ASPSCR1: variants seen among roughly 807,000 people sequenced by gnomAD.
ASPSCR1 encodes the protein ASPSCR1 tether for SLC2A4, UBX domain containing.
A neutral mutation model predicts 68.9 loss-of-function variants in ASPSCR1; 55 were observed. The observed-to-expected ratio is 0.80, with a 90% CI of 0.64 to 1.00. The LOEUF (loss-of-function observed/expected upper bound fraction) is 1.00, where lower values mean the gene tolerates loss of function less well. ASPSCR1 is among the 50% of genes least tolerant of loss of function. The pLI is 0.00. For missense variants in ASPSCR1, 765 were observed against 762.2 expected (o/e 1.00, Z -0.04); for synonymous variants, 352 against 332.6 (o/e 1.06, Z -0.63).
rs752796536 is a variant in ASPSCR1 at position 81,996,655 on chromosome 17, G to A, written c.742G>A (p.Gly248Arg). 3 of 1,612,774 alleles carry A rather than the reference G, an allele frequency of 1.9e-6. No individual in the cohort carries two copies. Among genetic ancestry groups the A allele is most frequent in the African/African-American group, 1.3e-5 (1 of 74,826 alleles). The change falls in exon 7 of 16, where the codon GGG (glycine) becomes AGG (arginine). Residue 248 changes from glycine to arginine, a missense_variant. By Grantham distance (125) the Gly-to-Arg change is moderately radical. Transcript: ENST00000306739. ...AAAPFVPFSG[G>R]GQRLGGPPGP... The stretch of plus-strand genomic sequence containing the variant: ...TGCCCCCTTTGTTCCTTTCTCGGGT[G>A]GGGGACAGAGACTGGGGGGCCCTCC...
rs1331872673 is a variant in ASPSCR1, at chr17:82,017,072, AGAG to A, written c.1611_1613del (p.Arg537del). Reference sequence around the variant, plus strand: ...ATCCCAGGGACGGCCCAGCCCGTGAAGAGGAGCCTGGGCAAGGTGCCCAAGTGG... The same window carrying A: ...ATCCCAGGGACGGCCCAGCCCGTGAAGAGCCTGGGCAAGGTGCCCAAGTGG... On this transcript the variant is annotated inframe_deletion, in exon 15 of 16. Coordinates refer to ENST00000306739, the MANE Select transcript of ASPSCR1 (RefSeq NM_024083.4). 3 of 1,608,412 alleles carry A rather than the reference AGAG, an allele frequency of 1.9e-6. No individual in the cohort carries two copies. The highest frequency in any genetic ancestry group is 2.5e-6 in the Non-Finnish European group (3 of 1,178,724).
In ASPSCR1 at chr17:81,987,609, G is replaced by A. The variant is rs148380776; in HGVS notation, c.374+2002G>A. On this transcript the variant is annotated intron_variant, in intron 4 of 15. Transcript: ENST00000306739. The surrounding 1 kb of genome is among the most constrained non-coding windows in gnomAD (Gnocchi z 5.6). ...CACTGGGGAGGGGCCGAGGGTGTCTGGAGAGGTGGGGCCGGCATTGTGGTA... is the reference window on the plus strand; with the variant it reads ...CACTGGGGAGGGGCCGAGGGTGTCTAGAGAGGTGGGGCCGGCATTGTGGTA... Among the ~76,000 whole-genome samples, 7 of 152,288 alleles carry A rather than the reference G, an allele frequency of 4.6e-5. No homozygotes were observed. In the East Asian group the frequency reaches 1.2e-3, roughly 25 times the overall value.
rs749456130 is a variant in ASPSCR1 at position 81,996,385 on chromosome 17, A to T, written c.507-35A>T. 5 of 1,544,352 alleles carry T rather than the reference A, an allele frequency of 3.2e-6. No individual in the cohort carries two copies. In the African/African-American group the frequency reaches 6.9e-5, roughly 21 times the overall value. On this transcript the variant is annotated intron_variant, in intron 6 of 15. Transcript: ENST00000306739. ...AGAGGGTGAGCCGGGGGTAGGCACC[A>T]CAAGGTGCTTCCCTTGTCCTCTGGC...
rs1194534834 is a variant in ASPSCR1, at chr17:82,017,318, G to A, written c.1658G>A (p.Arg553Lys). Residue 553 changes from arginine to lysine, a missense_variant, in exon 16 of 16, where the codon AGG becomes AAG. Physicochemically the swap from Arg to Lys is conservative, Grantham distance 26. Coordinates refer to ENST00000306739, the MANE Select transcript of ASPSCR1 (RefSeq NM_024083.4). ...PKWLKLPASK[R>K] ...TGTGTCTGCACTACAGCCAGCAAGA[G>A]GTGAGAGCTGCCAGCCTGAGGTGCC... is the stretch of plus-strand genomic sequence containing the variant. The A allele has an allele frequency of 5.6e-6, 9 of 1,611,470 alleles. No individual in the cohort carries two copies. Among genetic ancestry groups the A allele is most frequent in the Non-Finnish European group, 5.9e-6 (7 of 1,179,946 alleles).
intron 7 of ASPSCR1, among the ~76,000 whole-genome samples, chr17:82,001,544 C>G (rs1284884216): frequency 2.6e-5 from 4 of 152,162 alleles, no homozygotes; most frequent in Non-Finnish European, 5.9e-5. Context: ...GTTTAGAAGC[C>G]TGGTGACTGA....
intron 9 of ASPSCR1, among the ~76,000 whole-genome samples, chr17:82,010,300 T>C (rs560584716): frequency 3.3e-4 from 49 of 150,076 alleles, no homozygotes; most frequent in East Asian, 2.8e-3. Context: ...GAGGCCAAGG[T>C]GGGCGGATCA....
At chr17:81,995,229 T>G in intron 5 of ASPSCR1, 2 of 398,820 alleles carry the variant, frequency 5.0e-6, no homozygotes, top group Non-Finnish European at 8.9e-6. Context: ...CTAGCGCTCG[T>G]CCCTGGCCTC....
chr17:82,015,256 G>A (rs1203909693), intron 12 of ASPSCR1: 1 of 1,598,260 alleles, frequency 6.3e-7, no homozygotes, highest in South Asian at 1.1e-5. Flanking sequence ...CAGCCTCCAT[G>A]CCACCCAGTC....
At position 82,017,349 on chromosome 17, in the gene ASPSCR1, C is replaced by A; in HGVS notation, c.*27C>A. Reference sequence around the variant, plus strand: ...AGCTGCCAGCCTGAGGTGCCCACTCCGCCAGCCACAGGACCACCTCCTCTG... The same window carrying A: ...AGCTGCCAGCCTGAGGTGCCCACTCAGCCAGCCACAGGACCACCTCCTCTG... On this transcript the variant is annotated 3_prime_UTR_variant, in exon 16 of 16. Transcript: ENST00000306739. 1.2e-6 allele frequency: 2 copies of A among 1,611,688 alleles called. No homozygotes were observed. Among genetic ancestry groups the A allele is most frequent in the Non-Finnish European group, 8.5e-7 (1 of 1,179,916 alleles).
At chr17:82,011,116 G>A (rs1213312818) in intron 10 of ASPSCR1, among the ~76,000 whole-genome samples, 3 of 152,202 alleles carry the variant, frequency 2.0e-5, no homozygotes, top group Admixed American at 6.5e-5. Context: ...GAGTGCTCAC[G>A]TCGCCCACCT....
At chr17:82,006,593 AC>A in intron 7 of ASPSCR1, 1 of 152,078 alleles carries the variant, frequency 6.6e-6, no homozygotes, top group Non-Finnish European at 1.5e-5. Flanking sequence ...AGGACGCCTC[AC>A]CCCCGGTTGA....
chr17:82,016,928 C>T lies in ASPSCR1; in HGVS notation c.1476-13C>T, dbSNP rs149041999. 4,952 of 1,611,120 alleles carry T rather than the reference C, an allele frequency of 3.1e-3. 16 individuals are homozygous for T. The highest frequency in any genetic ancestry group is 4.0e-3 in the Non-Finnish European group (4,687 of 1,178,682). On this transcript the variant is annotated splice_polypyrimidine_tract_variant and intron_variant, in intron 14 of 15. Transcript: ENST00000306739. ...GGCGGCACTCACCACTCTGTGTCTT[C>T]GCCTCCCCACAGGTACATGTCCAGG...
chr17:81,983,634 C>T lies in ASPSCR1; in HGVS notation c.239C>T (p.Pro80Leu), dbSNP rs943201740. Residue 80 changes from proline to leucine, a missense_variant, in exon 3 of 16, where the codon CCC (proline) becomes CTC (leucine). Pro to Leu is a moderately conservative substitution (Grantham distance 98). Transcript: ENST00000306739. This position sits in a 1 kb window ranked among gnomAD's most constrained non-coding sequence, Gnocchi z 4.4. ...AACAATGCCAAGCTGGAGATGGTGC[C>T]CGCTTCCCGGAGCCGTGAGGGGCCT... ...LPNNAKLEMV[P>L]ASRSREGPEN... The T allele has an allele frequency of 2.5e-6, 4 of 1,613,230 alleles. No homozygotes were observed. The highest frequency in any genetic ancestry group is 3.4e-6 in the Non-Finnish European group (4 of 1,179,854).
At position 82,008,845 on chromosome 17, in the gene ASPSCR1, GGT is replaced by G. The variant is rs949825392; in HGVS notation, c.934-190_934-189del. ...CCAGCCCTGGACAGGCTCTGAGTGG[GGT>G]GGGGTCCCCCAGCTGCTGTGCCCAG... On this transcript the variant is annotated intron_variant, in intron 7 of 15. Transcript: ENST00000306739. 3.1e-5 allele frequency: 21 copies of G among 687,780 alleles called. No individual in the cohort carries two copies. The Admixed American group carries it at 5.1e-4, about 17-fold the overall frequency. 42.6% of individuals were successfully genotyped at this position (687,780 alleles called of 1,614,324 possible).
At chr17:81,989,205 C>T (rs577026860) in intron 4 of ASPSCR1, among the ~76,000 whole-genome samples, 1 of 152,338 alleles carries the variant, frequency 6.6e-6, no homozygotes, top group African/African-American at 2.4e-5. Context: ...AAGACTCTGT[C>T]TCAGAAATAA....
intron 12 of ASPSCR1, chr17:82,015,150 A>AC: frequency 6.3e-7 from 1 of 1,598,266 alleles, no homozygotes; most frequent in Non-Finnish European, 8.5e-7. Context: ...AGAGCAGAGA[A>AC]CACGCTTGCC....
intron 13 of ASPSCR1, 63 bp from the exon 14 acceptor site, chr17:82,016,737 G>A: frequency 6.4e-7 from 1 of 1,558,052 alleles, no homozygotes; most frequent in Non-Finnish European, 8.7e-7. Context: ...GTGGGCAGAT[G>A]CTGGGTGGAT....
chr17:81,996,285 G>A (rs377362663), intron 6 of ASPSCR1, 135 bp from the exon 7 acceptor site: 4 of 1,430,300 alleles, frequency 2.8e-6, no homozygotes, highest in East Asian at 2.5e-5. Context: ...TTGGGAGGGC[G>A]CATGGGGCAG....
intron 11 of ASPSCR1, 39 bp from the exon 12 acceptor site, chr17:82,012,192 C>T: frequency 1.9e-6 from 3 of 1,602,110 alleles, no homozygotes; most frequent in Non-Finnish European, 1.7e-6. Flanking sequence ...GGGCGAGGTC[C>T]ACGGTGCTTC....
Sources: gnomAD v4.1 joint callset for allele counts (sites outside exome capture counted in the v4.1 genomes callset) on GRCh38, gnomAD v4.1.1 for gene constraint, Gnocchi (gnomAD v3.1) non-coding constraint, MANE v1.5 for transcripts, NCBI Gene and HGNC (gene_info 2026-07-23, HGNC 2026-07-21) for gene names.